NTF3: variants seen among roughly 807,000 people sequenced by gnomAD.
NTF3 encodes the protein neurotrophin 3.
Under a neutral mutation model 26.3 loss-of-function variants are expected in NTF3, and 8 were observed. The ratio of observed to expected loss-of-function variants is 0.30; its 90% CI spans 0.18 to 0.55. NTF3 has a LOEUF of 0.55. Among genes scored for constraint, NTF3 ranks in the 20% least tolerant of loss-of-function variants. NTF3 has a pLI of 0.93. For missense variants in NTF3, 276 were observed against 352.9 expected, an observed-to-expected ratio of 0.78 and a Z score of 1.75; for synonymous variants, 154 against 145.5, an observed-to-expected ratio of 1.06 and a Z score of -0.42.
chr12:5,479,122 T>G (rs1198473402), intron 1 of NTF3, among the ~76,000 whole-genome samples: 1 of 152,240 alleles, frequency 6.6e-6, no homozygotes, highest in Non-Finnish European at 1.5e-5. Flanking sequence ...AGGATTGTTT[T>G]AGATACAATT....
At chr12:5,462,406 G>C (rs1436080306) in intron 1 of NTF3, among the ~76,000 whole-genome samples, 1 of 152,160 alleles carries the variant, frequency 6.6e-6, no homozygotes. Context: ...TCTAACCTCA[G>C]CTTTCTCCTC....
At chr12:5,437,325 G>A (rs923730118) in intron 1 of NTF3, among the ~76,000 whole-genome samples, 5 of 152,182 alleles carry the variant, frequency 3.3e-5, no homozygotes, top group African/African-American at 1.2e-4. Flanking sequence ...TAAGTTGATT[G>A]GAAGAGGTCA....
In NTF3 at chr12:5,494,814, G is replaced by T; in HGVS notation, c.639G>T (p.Pro213=). The part of the protein sequence containing the change: ...FYETRCKEAR[P]VKNGCRGIDD... ...AAACGCGATGTAAGGAAGCCAGGCCGGTCAAAAACGGTTGCAGGGGTATTG... is the reference window on the plus strand; with the variant it reads ...AAACGCGATGTAAGGAAGCCAGGCCTGTCAAAAACGGTTGCAGGGGTATTG... Residue 213 remains proline, a synonymous_variant, in exon 2 of 2, where the codon CCG becomes CCT. Transcript: ENST00000423158. This position sits in a 1 kb window ranked among gnomAD's most constrained non-coding sequence, Gnocchi z 8.3. 2 of 1,614,072 alleles carry T rather than the reference G, an allele frequency of 1.2e-6. No individual in the cohort carries two copies. Among genetic ancestry groups the T allele is most frequent in the South Asian group, 1.1e-5 (1 of 91,068 alleles).
At chr12:5,431,675 C>T (rs1019534119), upstream of NTF3, among the ~76,000 whole-genome samples, 5 of 151,868 alleles carry the variant, frequency 3.3e-5, no homozygotes, top group South Asian at 2.1e-4. Flanking sequence ...CAGGAAAAGG[C>T]CCTGATGCCT....
At chr12:5,452,826 C>T (rs978484609) in intron 1 of NTF3, among the ~76,000 whole-genome samples, 1 of 152,194 alleles carries the variant, frequency 6.6e-6, no homozygotes, top group Non-Finnish European at 1.5e-5. Flanking sequence ...ATCCTCTAAG[C>T]ATATGTGCTT....
intron 1 of NTF3, among the ~76,000 whole-genome samples, chr12:5,481,426 C>T (rs560190396): frequency 6.6e-6 from 1 of 151,760 alleles, no homozygotes; most frequent in East Asian, 1.9e-4. Context: ...CCTACATGCA[C>T]ACATACACAG....
intron 1 of NTF3, among the ~76,000 whole-genome samples, chr12:5,486,687 G>A (rs980828485): frequency 2.6e-5 from 4 of 152,148 alleles, no homozygotes; most frequent in African/African-American, 7.2e-5. Flanking sequence ...TGCCTATGTC[G>A]CTGAAGCAAC....
intron 1 of NTF3, among the ~76,000 whole-genome samples, chr12:5,438,331 A>C (rs1940198178): frequency 6.6e-6 from 1 of 152,194 alleles, no homozygotes; most frequent in African/African-American, 2.4e-5. Context: ...CCACATGGTC[A>C]GAATGCATTT....
At chr12:5,480,464 C>A (rs982644493) in intron 1 of NTF3, among the ~76,000 whole-genome samples, 1 of 152,158 alleles carries the variant, frequency 6.6e-6, no homozygotes, top group Non-Finnish European at 1.5e-5. Context: ...TCAATTAGCC[C>A]CAGTGCTTAA....
chr12:5,480,296 G>A (rs921542440), intron 1 of NTF3, among the ~76,000 whole-genome samples: 3 of 152,122 alleles, frequency 2.0e-5, no homozygotes, highest in Non-Finnish European at 4.4e-5. Context: ...TTGGAAGTTC[G>A]GGTGGAAAAA....
chr12:5,470,743 A>C (rs1486405253), intron 1 of NTF3, among the ~76,000 whole-genome samples: 1 of 152,222 alleles, frequency 6.6e-6, no homozygotes, highest in Non-Finnish European at 1.5e-5. Flanking sequence ...ATACCTGTCC[A>C]GCAGAGCTGT....
At chr12:5,472,739 A>T (rs1845699441) in intron 1 of NTF3, among the ~76,000 whole-genome samples, 2 of 152,176 alleles carry the variant, frequency 1.3e-5, no homozygotes, top group South Asian at 4.2e-4. Context: ...TGTTCCTGGG[A>T]GGGTGATGCT....
intron 1 of NTF3, among the ~76,000 whole-genome samples, chr12:5,459,584 C>T (rs1303025762): frequency 6.6e-6 from 1 of 152,152 alleles, no homozygotes; most frequent in Non-Finnish European, 1.5e-5. Flanking sequence ...GCGTCATTGC[C>T]TGGCTGTGAA....
At chr12:5,479,155 A>G (rs1940758254) in intron 1 of NTF3, among the ~76,000 whole-genome samples, 1 of 152,240 alleles carries the variant, frequency 6.6e-6, no homozygotes, top group African/African-American at 2.4e-5. Flanking sequence ...TTTCATCTCC[A>G]GAATACAATC....
intron 1 of NTF3, among the ~76,000 whole-genome samples, chr12:5,472,471 GA>G (rs1330811152): frequency 6.6e-6 from 1 of 152,042 alleles, no homozygotes; most frequent in Non-Finnish European, 1.5e-5. Flanking sequence ...AAAATACAAC[GA>G]ACAGTATAAA....
At chr12:5,457,666 T>A (rs1940468996) in intron 1 of NTF3, among the ~76,000 whole-genome samples, 1 of 152,178 alleles carries the variant, frequency 6.6e-6, no homozygotes, top group South Asian at 2.1e-4. Context: ...TATATCCAGC[T>A]TCCCTATAGA....
rs1163913412 is a variant in NTF3 at position 5,488,413 on chromosome 12, G to A, written c.19-5781G>A. Among the ~76,000 whole-genome samples the A allele has an allele frequency of 2.0e-5, 3 of 152,204 alleles. No individual in the cohort carries two copies. The East Asian group carries it at 5.8e-4, about 29-fold the overall frequency. Reference sequence around the variant, plus strand: ...CTCCTGCTTCCGGATCATTAATAAAGAGATTAACCAAAACCAGACCAATCC... The same window carrying A: ...CTCCTGCTTCCGGATCATTAATAAAAAGATTAACCAAAACCAGACCAATCC... On this transcript the variant is annotated intron_variant, in intron 1 of 1. Coordinates refer to ENST00000423158, the MANE Select transcript of NTF3 (RefSeq NM_001102654.2).
At chr12:5,445,118 A>T (rs1940287497) in intron 1 of NTF3, among the ~76,000 whole-genome samples, 1 of 152,210 alleles carries the variant, frequency 6.6e-6, no homozygotes, top group Admixed American at 6.5e-5. Context: ...ACATCCCAGA[A>T]AATCTGAAAC....
intron 1 of NTF3, among the ~76,000 whole-genome samples, chr12:5,487,406 G>C (rs1940879770): frequency 6.6e-6 from 1 of 152,170 alleles, no homozygotes; most frequent in Non-Finnish European, 1.5e-5. Flanking sequence ...TTTCTTTTGG[G>C]GTATAGGTTT....
Sources: allele counts gnomAD v4.1 joint callset (sites outside exome capture counted in the v4.1 genomes callset), GRCh38; gene constraint gnomAD v4.1.1; non-coding constraint Gnocchi (gnomAD v3.1); transcripts MANE v1.5; gene names NCBI Gene and HGNC (gene_info 2026-07-23, HGNC 2026-07-21).